PTPN22: variants seen among roughly 807,000 people sequenced by gnomAD.
The protein encoded by PTPN22 is tyrosine-protein phosphatase non-receptor type 22.
A neutral mutation model predicts 103.3 loss-of-function variants in PTPN22; 85 were observed. The observed-to-expected ratio is 0.82, with a 90% confidence interval of 0.69 to 0.99. The LOEUF is 0.99. PTPN22 is among the 50% of genes least tolerant of loss of function. The probability of loss-of-function intolerance (pLI) is 0.00; values close to 1 mark genes in which losing one functional copy is unlikely to be tolerated. For synonymous variants in PTPN22, 323 were observed against 310.2 expected, an observed-to-expected ratio of 1.04 and a Z score of -0.43; for missense variants, 865 against 936.9, an observed-to-expected ratio of 0.92 and a Z score of 1.00.
intron 1 of PTPN22, among the ~76,000 whole-genome samples, chr1:113,863,925 A>ATT (rs1346399770): frequency 1.0e-4 from 2 of 19,724 alleles, no homozygotes; most frequent in South Asian, 1.8e-3. Flanking sequence ...ATATATATAT[A>ATT]TATTTTTTTT....
chr1:113,856,801 A>G, intron 5 of PTPN22, 182 bp from the exon 6 acceptor site: 1 of 703,352 alleles, frequency 1.4e-6, no homozygotes. Flanking sequence ...ATTAAAGGAT[A>G]TATAAATTAC....
intron 10 of PTPN22, among the ~76,000 whole-genome samples, chr1:113,851,717 C>T (rs1400772411): frequency 2.0e-5 from 3 of 152,184 alleles, no homozygotes; most frequent in African/African-American, 7.2e-5. Context: ...CTAGCTATTT[C>T]AAGTCCACAA....
At chr1:113,833,119 G>T in exon 16 of PTPN22, 1 of 1,565,712 alleles carries the variant, frequency 6.4e-7, no homozygotes, top group Non-Finnish European at 8.8e-7. Context: ...ACCTGATTTA[G>T]GACTTCGGAG....
intron 1 of PTPN22, among the ~76,000 whole-genome samples, chr1:113,869,807 A>G (rs1299602943): frequency 3.3e-5 from 5 of 152,196 alleles, no homozygotes; most frequent in Non-Finnish European, 7.3e-5. Context: ...ATTATAGTCC[A>G]GGGGCAGGGA....
chr1:113,858,885 C>T (rs978533521), intron 3 of PTPN22, 117 bp downstream of exon 3: 38 of 1,451,936 alleles, frequency 2.6e-5, no homozygotes, highest in African/African-American at 1.4e-4. Context: ...GTGATCTTTC[C>T]GCCTCAGCCT....
chr1:113,819,719 A>G, intron 19 of PTPN22, 65 bp from the exon 20 acceptor site: 1 of 1,034,636 alleles, frequency 9.7e-7, no homozygotes, highest in South Asian at 1.9e-5. Context: ...TGTTGATCAG[A>G]TCACATATAA....
intron 9 of PTPN22, 83 bp from the exon 10 acceptor site, chr1:113,852,187 G>C: frequency 9.9e-7 from 1 of 1,006,132 alleles, no homozygotes; most frequent in African/African-American, 1.6e-5. Flanking sequence ...GTACTTCCAT[G>C]GCATCTGCTC....
At chr1:113,817,951 CT>C (rs1229919193) in intron 20 of PTPN22, among the ~76,000 whole-genome samples, 2 of 148,270 alleles carry the variant, frequency 1.3e-5, no homozygotes, top group Non-Finnish European at 3.0e-5. Flanking sequence ...TTTTCTTTTT[CT>C]TTTTTCCTTT....
At chr1:113,860,978 T>C (rs971784896) in intron 1 of PTPN22, among the ~76,000 whole-genome samples, 2 of 152,184 alleles carry the variant, frequency 1.3e-5, no homozygotes, top group Admixed American at 1.3e-4. Flanking sequence ...TGTATGTGTG[T>C]CCTATATTTG....
chr1:113,827,443 CTTTT>C (rs1355881250), intron 18 of PTPN22, among the ~76,000 whole-genome samples: 1 of 151,756 alleles, frequency 6.6e-6, no homozygotes, highest in Non-Finnish European at 1.5e-5. Context: ...TATCATATTC[CTTTT>C]TTTAAGTAAA....
At chr1:113,851,585 C>T (rs983043592) in intron 10 of PTPN22, among the ~76,000 whole-genome samples, 24 of 152,082 alleles carry the variant, frequency 1.6e-4, no homozygotes, top group African/African-American at 5.6e-4. Context: ...TTTCCTAAAA[C>T]GAGCACATAG....
exon 17 of PTPN22, chr1:113,830,028 T>C: frequency 6.3e-7 from 1 of 1,590,606 alleles, no homozygotes; most frequent in Non-Finnish European, 8.6e-7. Context: ...CTTGATGTAG[T>C]TCTGTGATAA....
chr1:113,816,612 A>C (rs895166098), intron 20 of PTPN22, among the ~76,000 whole-genome samples: 3 of 152,102 alleles, frequency 2.0e-5, no homozygotes, highest in African/African-American at 4.8e-5. Context: ...AATGTTGCTT[A>C]AATTTCAACC....
At chr1:113,824,391 C>T (rs1169096722) in intron 19 of PTPN22, among the ~76,000 whole-genome samples, 3 of 152,146 alleles carry the variant, frequency 2.0e-5, no homozygotes, top group Non-Finnish European at 2.9e-5. Context: ...TGAGCCACCA[C>T]ACCCGGCCAT....
At chr1:113,841,864 A>G (rs1276431366) in intron 11 of PTPN22, among the ~76,000 whole-genome samples, 1 of 152,088 alleles carries the variant, frequency 6.6e-6, no homozygotes, top group Non-Finnish European at 1.5e-5. Flanking sequence ...CGGCCTCCCA[A>G]AGTGCTGGGA....
intron 11 of PTPN22, among the ~76,000 whole-genome samples, chr1:113,847,287 A>T: frequency 8.1e-6 from 1 of 124,162 alleles, no homozygotes; most frequent in Admixed American, 8.0e-5. Context: ...TGATTTAAGC[A>T]TGTTTTTACC....
At position 113,822,802 on chromosome 1, in the gene PTPN22, A is replaced by T. The variant is rs562769286; in HGVS notation, c.2281+2340T>A. Reference sequence around the variant, plus strand: ...CGGTGAAACCTTGTCTCTACTAAAAATACAAAAATTAGCTGGGCATAGTGG... The same window carrying T: ...CGGTGAAACCTTGTCTCTACTAAAATTACAAAAATTAGCTGGGCATAGTGG... On this transcript the variant is annotated intron_variant, in intron 19 of 20. Transcript: ENST00000359785. Among the ~76,000 whole-genome samples the T allele has an allele frequency of 7.9e-5, 12 of 152,300 alleles. No individual in the cohort carries two copies. The South Asian group carries it at 2.3e-3, about 29-fold the overall frequency.
At chr1:113,851,970 T>A in intron 10 of PTPN22, 57 bp downstream of exon 10, 1 of 1,377,718 alleles carries the variant, frequency 7.3e-7, no homozygotes. Context: ...GCCTCACCAT[T>A]AAACAGATGG....
At chr1:113,825,228 A>C in intron 18 of PTPN22, 56 bp from the exon 19 acceptor site, 1 of 1,079,280 alleles carries the variant, frequency 9.3e-7, no homozygotes, top group South Asian at 1.6e-5. Flanking sequence ...GAAATACTTT[A>C]ATCAAATAGA....
Sources: allele counts gnomAD v4.1 joint callset (sites outside exome capture counted in the v4.1 genomes callset), GRCh38; gene constraint gnomAD v4.1.1; transcripts MANE v1.5; gene names NCBI Gene and HGNC (gene_info 2026-07-23, HGNC 2026-07-21).